Variants in ZSCAN21 observed in about 807,000 individuals in gnomAD.
ZSCAN21 encodes zinc finger and SCAN domain-containing protein 21.
ZSCAN21 carries 26 observed loss-of-function variants against 35.6 expected under a neutral mutation model. The observed-to-expected ratio is 0.73, with a 90% confidence interval of 0.54 to 1.01. The LOEUF (loss-of-function observed/expected upper bound fraction) is 1.01. ZSCAN21 is among the 50% of genes least tolerant of loss of function. ZSCAN21 has a pLI of 0.00. For missense variants in ZSCAN21, 593 were observed against 587.1 expected (o/e 1.01, Z -0.10); for synonymous variants, 219 against 219.3 (o/e 1.00, Z 0.01).
At chr7:100,059,810 A>G (rs984762265) in intron 3 of ZSCAN21, among the ~76,000 whole-genome samples, 1 of 152,148 alleles carries the variant, frequency 6.6e-6, no homozygotes, top group Non-Finnish European at 1.5e-5. Flanking sequence ...TCCAGTTTCA[A>G]GTGATTCTCC....
chr7:100,058,500 A>G (rs1243932031), intron 3 of ZSCAN21, among the ~76,000 whole-genome samples: 1 of 152,238 alleles, frequency 6.6e-6, no homozygotes, highest in African/African-American at 2.4e-5. Context: ...CCTTAGGGTC[A>G]GCTTCCTGGG....
Position 100,064,734 on chromosome 7 carries a change from C to T in ZSCAN21, c.*117C>T. On this transcript the variant is annotated 3_prime_UTR_variant, in exon 4 of 4. Transcript: ENST00000292450. ...TGATAGAGTTTGTATCACTCAACAT[C>T]AGGGGATGCCTGAGGAGTGCGAGCT... 1 of 1,612,876 alleles carries T rather than the reference C, an allele frequency of 6.2e-7. No homozygotes were observed. Among genetic ancestry groups the T allele is most frequent in the Non-Finnish European group, 8.5e-7 (1 of 1,179,186 alleles).
intron 1 of ZSCAN21, among the ~76,000 whole-genome samples, chr7:100,055,844 A>G (rs745977723): frequency 1.8e-4 from 27 of 149,950 alleles, no homozygotes; most frequent in Non-Finnish European, 2.8e-4. Flanking sequence ...GGGTTTCACC[A>G]TGTTAGCCAG....
At chr7:100,061,028 T>C (rs1041847805) in intron 3 of ZSCAN21, among the ~76,000 whole-genome samples, 2 of 151,640 alleles carry the variant, frequency 1.3e-5, no homozygotes, top group African/African-American at 4.8e-5. Flanking sequence ...ATTGCACCAC[T>C]GCACTCCAGC....
At chr7:100,054,668 A>G (rs1414279397) in intron 1 of ZSCAN21, among the ~76,000 whole-genome samples, 1 of 151,510 alleles carries the variant, frequency 6.6e-6, no homozygotes, top group Non-Finnish European at 1.5e-5. Context: ...TTCCACTGCT[A>G]AACACTCCAC....
In ZSCAN21 at chr7:100,064,347, G is replaced by T; in HGVS notation, c.1152G>T (p.Gly384=). ...TTCGTCACTATCGGATCCACACTGGGGAGAAGCCTTATCAGTGTAACGAAT... is the reference window on the plus strand; with the variant it reads ...TTCGTCACTATCGGATCCACACTGGTGAGAAGCCTTATCAGTGTAACGAAT... ...SLIRHYRIHT[G]EKPYQCNECG... The change falls in exon 4 of 4, where the codon GGG becomes GGT. Residue 384 remains glycine (G), a synonymous_variant. Coordinates refer to ENST00000292450, the MANE Select transcript of ZSCAN21 (RefSeq NM_145914.3). 6.2e-7 allele frequency: 1 copy of T among 1,614,164 alleles called. No individual in the cohort carries two copies.
intron 1 of ZSCAN21, among the ~76,000 whole-genome samples, chr7:100,053,287 A>G (rs892214920): frequency 1.3e-5 from 2 of 152,020 alleles, no homozygotes; most frequent in Non-Finnish European, 2.9e-5. Flanking sequence ...GGATTCACCA[A>G]GTTCTCAGAG....
intron 3 of ZSCAN21, among the ~76,000 whole-genome samples, chr7:100,060,567 TAAAA>T (rs990703959): frequency 8.9e-6 from 1 of 112,620 alleles, no homozygotes; most frequent in Admixed American, 9.1e-5. Context: ...TCTCAAAAAA[TAAAA>T]AAAAAACCAG....
Position 100,057,265 on chromosome 7 carries a change from C to A in ZSCAN21, c.259C>A (p.Leu87Ile). 1 of 1,613,914 alleles carries A rather than the reference C, an allele frequency of 6.2e-7. No homozygotes were observed. The highest frequency in any genetic ancestry group is 8.5e-7 in the Non-Finnish European group (1 of 1,179,954). The change falls in exon 2 of 4, where the codon CTA (leucine) becomes ATA (isoleucine). Residue 87 changes from leucine to isoleucine, a missense_variant. Physicochemically the swap from Leu to Ile is conservative, Grantham distance 5 (BLOSUM62 2). Transcript: ENST00000292450. ...EIHTKEQILE[L>I]LVLEQFLTIL... ...CCACACCAAGGAGCAGATCCTGGAGCTACTGGTGCTGGAGCAGTTCCTGAC... is the reference window on the plus strand; with the variant it reads ...CCACACCAAGGAGCAGATCCTGGAGATACTGGTGCTGGAGCAGTTCCTGAC...
chr7:100,061,391 T>C (rs1792284436), intron 3 of ZSCAN21, among the ~76,000 whole-genome samples: 1 of 151,998 alleles, frequency 6.6e-6, no homozygotes, highest in Non-Finnish European at 1.5e-5. Flanking sequence ...GTGTGGTGGC[T>C]AGTGCCTGGG....
intron 1 of ZSCAN21, among the ~76,000 whole-genome samples, chr7:100,055,781 A>G (rs1034533856): frequency 6.6e-6 from 1 of 151,130 alleles, no homozygotes; most frequent in Non-Finnish European, 1.5e-5. Context: ...GCTGGACTAC[A>G]GGCGCCTGCA....
rs79010139 is a variant in ZSCAN21, at chr7:100,059,167, G to A, written c.592+1277G>A. Among the ~76,000 whole-genome samples, 207 of 152,312 alleles carry A rather than the reference G, an allele frequency of 1.4e-3. 2 individuals carry two copies. In the East Asian group the frequency reaches 0.038, roughly 28 times the overall value. On this transcript the variant is annotated intron_variant, in intron 3 of 3. Coordinates refer to ENST00000292450, the MANE Select transcript of ZSCAN21 (RefSeq NM_145914.3). ...AGAAATCTCCCTCCATGCTTGCTGT[G>A]TCTGAAACGTGAAACTCCATCATGG...
chr7:100,064,992 A>G lies in ZSCAN21; in HGVS notation c.*375A>G. 6.5e-7 allele frequency: 1 copy of G among 1,531,982 alleles called. No individual in the cohort carries two copies. The highest frequency in any genetic ancestry group is 8.9e-7 in the Non-Finnish European group (1 of 1,119,062). 94.9% of individuals were successfully genotyped at this position (1,531,982 alleles called of 1,614,324 possible). On this transcript the variant is annotated 3_prime_UTR_variant, in exon 4 of 4. Coordinates refer to ENST00000292450, the MANE Select transcript of ZSCAN21 (RefSeq NM_145914.3). ...TTTAATTTGTAAAGAATTGAGCCAC[A>G]TTGAACACAATTGAATGAGATTCAG...
At position 100,057,771 on chromosome 7, in the gene ZSCAN21, C is replaced by G. The variant is rs892634369; in HGVS notation, c.473C>G (p.Pro158Arg). Reference protein sequence around the residue: ...ISSSGTAKESPSSMQPQPLET... With the variant: ...ISSSGTAKESRSSMQPQPLET... ...TCCTCAGGAACTGCAAAGGAATCCC[C>G]GAGCAGCATGCAGCCACAGCCCTTG... The change falls in exon 3 of 4, where the codon CCG becomes CGG. Residue 158 changes from proline (P) to arginine (R), a missense_variant. Coordinates refer to ENST00000292450, the MANE Select transcript of ZSCAN21 (RefSeq NM_145914.3). 6.2e-7 allele frequency: 1 copy of G among 1,614,016 alleles called. No individual in the cohort carries two copies.
intron 3 of ZSCAN21, among the ~76,000 whole-genome samples, chr7:100,062,223 C>A (rs1792330162): frequency 6.6e-6 from 1 of 151,772 alleles, no homozygotes; most frequent in African/African-American, 2.4e-5. Context: ...TTTTCCTTAA[C>A]CCTGGCCCTG....
At position 100,049,843 on chromosome 7, in the gene ZSCAN21, T is replaced by G. The variant is rs1046445426; in HGVS notation, c.-97+2T>G. The stretch of plus-strand genomic sequence containing the variant: ...TACCCGGAGCGGCTCTGATTCATGG[T>G]GAGCCTGCTGGTCGCGGGTTAGCGA... On this transcript the variant is annotated splice_donor_variant, in intron 1 of 3. Transcript: ENST00000292450. LOFTEE classifies it low-confidence loss of function (5UTR_SPLICE). 6.6e-6 allele frequency: 1 copy of G among 152,334 alleles called. No individual in the cohort carries two copies. The highest frequency in any genetic ancestry group is 1.5e-5 in the Non-Finnish European group (1 of 68,132). The allele number at this position is 152,334 out of a possible 1,614,324, so 9.4% of individuals were successfully genotyped here. A position where few individuals can be genotyped will look rare whatever the true frequency, so the allele number is the denominator to read the frequency against.
chr7:100,063,893 C>T lies in ZSCAN21; in HGVS notation c.698C>T (p.Pro233Leu), dbSNP rs959950563. Reference protein sequence around the residue: ...DIISVIIANKPEASLERQCVN... With the variant: ...DIISVIIANKLEASLERQCVN... ...ATTTCTGTGATTATCGCCAATAAAC[C>T]TGAGGCCAGCTTAGAGAGGCAGTGC... is the stretch of plus-strand genomic sequence containing the variant. Residue 233 changes from proline (P) to leucine (L), a missense_variant, in exon 4 of 4, where the codon CCT becomes CTT. Pro to Leu is a moderately conservative substitution (Grantham distance 98, BLOSUM62 -3). Transcript: ENST00000292450. 6.2e-7 allele frequency: 1 copy of T among 1,614,130 alleles called. No homozygotes were observed. Among genetic ancestry groups the T allele is most frequent in the Non-Finnish European group, 8.5e-7 (1 of 1,180,042 alleles).
In ZSCAN21 at chr7:100,063,839, C is replaced by T. The variant is rs747427892; in HGVS notation, c.644C>T (p.Ser215Phe). The T allele has an allele frequency of 6.2e-7, 1 of 1,613,824 alleles. No homozygotes were observed. ...GAATCAGCAGATGAGCAGAAAGGTTCTGAAGCAGAGGGGCTCAAAGGGGAT... is the reference window on the plus strand; with the variant it reads ...GAATCAGCAGATGAGCAGAAAGGTTTTGAAGCAGAGGGGCTCAAAGGGGAT... ...HEESADEQKG[S>F]EAEGLKGDII... The change falls in exon 4 of 4, where the codon TCT becomes TTT. Residue 215 changes from serine to phenylalanine, a missense_variant. By Grantham distance (155) the Ser-to-Phe change is radical (BLOSUM62 -2). Transcript: ENST00000292450.
Position 100,062,207 on chromosome 7 carries a change from T to A in ZSCAN21, c.593-1581T>A, listed in dbSNP as rs561149998. ...CACTCAGCCTCATCCTTAATTGTCC[T>A]TGTCATTTTCCTTAACCCTGGCCCT... On this transcript the variant is annotated intron_variant, in intron 3 of 3. Transcript: ENST00000292450. Among the ~76,000 whole-genome samples the A allele has an allele frequency of 2.6e-5, 4 of 152,198 alleles. 1 individual carries two copies. The South Asian group carries it at 8.3e-4, about 32-fold the overall frequency.
Sources: gnomAD v4.1 joint callset for allele counts (sites outside exome capture counted in the v4.1 genomes callset) on GRCh38, gnomAD v4.1.1 for gene constraint, MANE v1.5 for transcripts, NCBI Gene and HGNC (gene_info 2026-07-23, HGNC 2026-07-21) for gene names.